The following VDAC1 variants were observed in gnomAD, a reference collection of about 807,000 sequenced individuals.
VDAC1 encodes the protein voltage dependent anion channel 1.
A neutral mutation model predicts 34.7 loss-of-function variants in VDAC1; 10 were observed. The ratio of observed to expected loss-of-function variants is 0.29; its 90% CI spans 0.18 to 0.49. The LOEUF (loss-of-function observed/expected upper bound fraction) is 0.49. VDAC1 is among the 20% of genes least tolerant of loss of function. VDAC1 has a pLI of 0.99. For missense variants in VDAC1, 230 were observed against 347.9 expected, an observed-to-expected ratio of 0.66 and a Z score of 2.69; for synonymous variants, 130 against 136.0, an observed-to-expected ratio of 0.96 and a Z score of 0.30.
the VDAC1 span, among the ~76,000 whole-genome samples, chr5:134,068,502 T>G: frequency 1.4e-3 from 214 of 152,262 alleles, 1 homozygote; most frequent in African/African-American, 4.9e-3. Flanking sequence ...ACAATTATTT[T>G]CCCTCAGCCC....
chr5:133,982,449 T>G (rs1163452837), intron 5 of VDAC1, among the ~76,000 whole-genome samples: 1 of 150,270 alleles, frequency 6.7e-6, no homozygotes, highest in Non-Finnish European at 1.5e-5. Flanking sequence ...GAGGCAGAGG[T>G]TGCAGTGAGC....
At chr5:134,039,582 G>T in the VDAC1 span, among the ~76,000 whole-genome samples, 1 of 152,168 alleles carries the variant, frequency 6.6e-6, no homozygotes, top group Non-Finnish European at 1.5e-5. Context: ...GCCCGCCTTG[G>T]CCTCCCAAAG....
the VDAC1 span, among the ~76,000 whole-genome samples, chr5:134,040,260 G>T: frequency 6.6e-6 from 1 of 152,000 alleles, no homozygotes; most frequent in Non-Finnish European, 1.5e-5. Flanking sequence ...GCGAAACCCG[G>T]TCTCCACTAA....
chr5:134,045,025 C>T, the VDAC1 span, among the ~76,000 whole-genome samples: 1 of 152,294 alleles, frequency 6.6e-6, no homozygotes, highest in East Asian at 1.9e-4. Context: ...AGCAGGGGCC[C>T]AGAAACTCCC....
rs1337722802 is a variant in VDAC1, at chr5:133,972,997, G to A, written c.761-135C>T. The A allele has an allele frequency of 1.0e-5, 7 of 682,244 alleles. No homozygotes were observed. The African/African-American group carries it at 1.1e-4, about 11-fold the overall frequency. The allele number at this position is 682,244 out of a possible 1,614,324, so 42.3% of individuals were successfully genotyped here. On this transcript the variant is annotated intron_variant, in intron 8 of 8. Transcript: ENST00000265333. ...CAAACTACATGGCCCTTCAATCCTT[G>A]TTACTTAGCACTATCTGACCAACAG...
the VDAC1 span, among the ~76,000 whole-genome samples, chr5:134,089,991 CA>C: frequency 0.14 from 20,923 of 149,462 alleles, 2,340 homozygotes; most frequent in African/African-American, 0.3. Context: ...AACTCTGTCT[CA>C]AAAAAAAAGA....
intron 1 of VDAC1, among the ~76,000 whole-genome samples, chr5:134,003,542 T>C (rs1031480015): frequency 6.6e-6 from 1 of 152,260 alleles, no homozygotes; most frequent in African/African-American, 2.4e-5. Flanking sequence ...ATACCTGGTA[T>C]ACAAATGCTT....
chr5:134,098,931 C>A, the VDAC1 span, among the ~76,000 whole-genome samples: 1 of 152,340 alleles, frequency 6.6e-6, no homozygotes, highest in South Asian at 2.1e-4. Context: ...GAAGGCCGAA[C>A]CTGTTCAGGA....
chr5:133,979,424 C>CTTTTTTTTTTTTTTTTTTT (rs71581380), intron 6 of VDAC1, among the ~76,000 whole-genome samples: 2 of 80,992 alleles, frequency 2.5e-5, no homozygotes, highest in East Asian at 4.1e-4. Flanking sequence ...ATTTTCTTTG[C>CTTTTTTTTTTTTTTTTTTT]TTTTTTTTTT....
the VDAC1 span, among the ~76,000 whole-genome samples, chr5:134,101,112 T>A: frequency 6.6e-6 from 1 of 152,276 alleles, no homozygotes; most frequent in Non-Finnish European, 1.5e-5. Context: ...GATGGCAGGA[T>A]GCCCTGAAGT....
chr5:134,013,320 A>G, the VDAC1 span, among the ~76,000 whole-genome samples: 2 of 152,232 alleles, frequency 1.3e-5, no homozygotes, highest in Non-Finnish European at 2.9e-5. Context: ...CTGTAGTCTC[A>G]GCTACTCAGG....
chr5:134,049,729 A>G, the VDAC1 span, among the ~76,000 whole-genome samples: 3 of 152,138 alleles, frequency 2.0e-5, 1 homozygote, highest in Admixed American at 2.0e-4. Flanking sequence ...ACAGGCGCCC[A>G]CCACCACATC....
chr5:134,094,075 G>A, the VDAC1 span, among the ~76,000 whole-genome samples: 1 of 152,232 alleles, frequency 6.6e-6, no homozygotes, highest in Non-Finnish European at 1.5e-5. Context: ...GCCAGTGAGC[G>A]GTGAAGTGGG....
At chr5:134,059,135 G>T in the VDAC1 span, among the ~76,000 whole-genome samples, 1 of 152,210 alleles carries the variant, frequency 6.6e-6, no homozygotes, top group Non-Finnish European at 1.5e-5. Flanking sequence ...AGCCTATGGG[G>T]TGGCAACGCT....
the VDAC1 span, among the ~76,000 whole-genome samples, chr5:134,035,745 G>A: frequency 1.3e-5 from 2 of 152,120 alleles, no homozygotes; most frequent in Non-Finnish European, 2.9e-5. Flanking sequence ...TGTGGCTCAC[G>A]CCTGTAATCC....
chr5:134,085,252 T>C, the VDAC1 span, among the ~76,000 whole-genome samples: 2 of 151,906 alleles, frequency 1.3e-5, no homozygotes, highest in East Asian at 1.9e-4. Context: ...GTATTTTTAG[T>C]AGAGACAGGG....
chr5:134,109,166 C>G, the VDAC1 span, among the ~76,000 whole-genome samples: 2 of 152,212 alleles, frequency 1.3e-5, no homozygotes, highest in Non-Finnish European at 2.9e-5. Flanking sequence ...CATCCAAAAA[C>G]TTCTGAGCAC....
the VDAC1 span, among the ~76,000 whole-genome samples, chr5:134,052,769 C>T: frequency 0.034 from 5,196 of 152,280 alleles, 106 homozygotes; most frequent in African/African-American, 0.055. Flanking sequence ...CATTTAGCCC[C>T]GACACCATGC....
the VDAC1 span, among the ~76,000 whole-genome samples, chr5:134,055,482 C>T: frequency 2.6e-5 from 4 of 151,586 alleles, no homozygotes; most frequent in South Asian, 2.1e-4. Flanking sequence ...TGCAGTGGCG[C>T]GATCTCGGCT....
Sources: allele counts gnomAD v4.1 joint callset (sites outside exome capture counted in the v4.1 genomes callset), GRCh38; gene constraint gnomAD v4.1.1; transcripts MANE v1.5; gene names NCBI Gene and HGNC (gene_info 2026-07-23, HGNC 2026-07-21).